The following CDH13 variants were observed in gnomAD, a reference collection of about 807,000 sequenced individuals.
CDH13 encodes the protein cadherin-13.
A neutral mutation model predicts 63.8 loss-of-function variants in CDH13; 24 were observed. The ratio of observed to expected loss-of-function variants is 0.38; its 90% CI spans 0.27 to 0.53. The LOEUF is 0.53. CDH13 is among the 20% of genes least tolerant of loss of function. CDH13 has a pLI of 0.85. For synonymous variants in CDH13, 503 were observed against 355.3 expected, an observed-to-expected ratio of 1.42 and a Z score of -4.67; for missense variants, 1,049 against 903.1, an observed-to-expected ratio of 1.16 and a Z score of -2.07.
chr16:82,702,443 G>A (rs1469567953), intron 1 of CDH13, among the ~76,000 whole-genome samples: 1 of 151,976 alleles, frequency 6.6e-6, no homozygotes, highest in Non-Finnish European at 1.5e-5. Flanking sequence ...TGCTCCCCAG[G>A]GCCCACATGC....
chr16:83,758,423 T>C (rs571067351), intron 11 of CDH13, among the ~76,000 whole-genome samples: 11 of 152,090 alleles, frequency 7.2e-5, no homozygotes, highest in Non-Finnish European at 1.6e-4. Context: ...TTTAAAATAA[T>C]GTTTAGCAAA....
At chr16:83,258,402 A>T (rs1906546397) in intron 5 of CDH13, among the ~76,000 whole-genome samples, 1 of 152,210 alleles carries the variant, frequency 6.6e-6, no homozygotes, top group Admixed American at 6.5e-5. Context: ...AGACTCAAAG[A>T]TATCTAGTGA....
At chr16:83,416,345 A>G (rs1443190556) in intron 6 of CDH13, among the ~76,000 whole-genome samples, 1 of 152,194 alleles carries the variant, frequency 6.6e-6, no homozygotes. Context: ...ATTTAATGCA[A>G]TCAGAATTTC....
chr16:83,368,635 CTG>C (rs1464015587), intron 6 of CDH13, among the ~76,000 whole-genome samples: 1 of 151,796 alleles, frequency 6.6e-6, no homozygotes, highest in Non-Finnish European at 1.5e-5. Flanking sequence ...GCAGTGTCCA[CTG>C]TACCCAATGT....
intron 5 of CDH13, among the ~76,000 whole-genome samples, chr16:83,313,387 A>G (rs997582020): frequency 2.8e-4 from 42 of 152,238 alleles, no homozygotes; most frequent in African/African-American, 9.9e-4. Flanking sequence ...ACCATTCAGC[A>G]TATGTTAGCC....
intron 3 of CDH13, among the ~76,000 whole-genome samples, chr16:83,060,916 T>C (rs2031486008): frequency 6.6e-6 from 1 of 152,150 alleles, no homozygotes. Context: ...AGTCATTTTC[T>C]CTCACCTGAA....
At chr16:83,267,735 G>A (rs1233111625) in intron 5 of CDH13, among the ~76,000 whole-genome samples, 1 of 152,112 alleles carries the variant, frequency 6.6e-6, no homozygotes, top group Non-Finnish European at 1.5e-5. Context: ...CCTCAATCTT[G>A]GACTTCCCAC....
At chr16:82,719,008 C>T (rs141362922) in intron 1 of CDH13, among the ~76,000 whole-genome samples, 2 of 152,138 alleles carry the variant, frequency 1.3e-5, no homozygotes, top group Admixed American at 6.5e-5. Flanking sequence ...TGTGCCTTGA[C>T]ATTTGTTCAA....
chr16:83,154,856 T>C (rs546433381), intron 4 of CDH13, among the ~76,000 whole-genome samples: 9 of 152,244 alleles, frequency 5.9e-5, no homozygotes, highest in Middle Eastern at 3.4e-3. Context: ...TTTCAACCGG[T>C]TTTTCTGTAG....
chr16:83,558,186 A>G (rs1347586725), intron 7 of CDH13, among the ~76,000 whole-genome samples: 1 of 152,172 alleles, frequency 6.6e-6, no homozygotes, highest in Non-Finnish European at 1.5e-5. Context: ...AGACCATCAC[A>G]TTTGCTTTCT....
intron 1 of CDH13, among the ~76,000 whole-genome samples, chr16:82,663,982 AC>A (rs1912288636): frequency 6.6e-6 from 1 of 151,862 alleles, no homozygotes; most frequent in Non-Finnish European, 1.5e-5. Flanking sequence ...GGCTCTCAGG[AC>A]TCTTTTGGCT....
chr16:83,325,991 T>C (rs1019216740), intron 5 of CDH13, among the ~76,000 whole-genome samples: 10 of 152,190 alleles, frequency 6.6e-5, no homozygotes, highest in South Asian at 4.1e-4. Context: ...AAAGGTGACA[T>C]GAACCAAATG....
intron 1 of CDH13, among the ~76,000 whole-genome samples, chr16:82,724,088 T>A (rs893605658): frequency 6.6e-6 from 1 of 152,170 alleles, no homozygotes; most frequent in Non-Finnish European, 1.5e-5. Flanking sequence ...CACAGCCTGA[T>A]CCTTTAGGCC....
At chr16:83,187,222 C>A (rs952763244) in intron 4 of CDH13, among the ~76,000 whole-genome samples, 1 of 152,186 alleles carries the variant, frequency 6.6e-6, no homozygotes, top group Non-Finnish European at 1.5e-5. Flanking sequence ...CCACCCACCT[C>A]GGCTTCCCAG....
chr16:83,518,633 C>T (rs112287557), intron 7 of CDH13, among the ~76,000 whole-genome samples: 3,146 of 150,370 alleles, frequency 0.021, 95 homozygotes, highest in African/African-American at 0.072. Flanking sequence ...CCACTACACC[C>T]GGCTAATTTT....
intron 5 of CDH13, among the ~76,000 whole-genome samples, chr16:83,322,407 AC>A (rs766686745): frequency 6.6e-6 from 1 of 152,218 alleles, no homozygotes; most frequent in Admixed American, 6.5e-5. Flanking sequence ...CAAAACTAAA[AC>A]GAAAAGTTCT....
At chr16:83,710,772 C>T (rs1239865483) in intron 10 of CDH13, among the ~76,000 whole-genome samples, 1 of 152,198 alleles carries the variant, frequency 6.6e-6, no homozygotes. Flanking sequence ...ACTGCCACCT[C>T]TAAGCACTCA....
rs1388316961 is a variant in CDH13 at position 83,779,273 on chromosome 16, G to T, written c.1682-695G>T. ...TACAAAAAAATTAGCCGGGCATGAT[G>T]GCAGGTGCCTGTAGTCCCAGCTACT... On this transcript the variant is annotated intron_variant, in intron 11 of 13. Transcript: ENST00000567109. 2.6e-5 allele frequency among the ~76,000 whole-genome samples: 4 copies of T among 151,878 alleles called. No individual in the cohort carries two copies. In the East Asian group the frequency reaches 7.8e-4, roughly 29 times the overall value.
intron 5 of CDH13, among the ~76,000 whole-genome samples, chr16:83,330,290 C>T (rs745740514): frequency 6.6e-6 from 1 of 152,178 alleles, no homozygotes; most frequent in African/African-American, 2.4e-5. Context: ...CAATATCCTG[C>T]TTGTGATACT....
Sources: allele counts gnomAD v4.1 joint callset (sites outside exome capture counted in the v4.1 genomes callset), GRCh38; gene constraint gnomAD v4.1.1; transcripts MANE v1.5; gene names NCBI Gene and HGNC (gene_info 2026-07-23, HGNC 2026-07-21).